The following XKR9 variants were observed in gnomAD, a reference collection of about 807,000 sequenced individuals.
The protein encoded by XKR9 is XK-related protein 9.
In XKR9, 32 loss-of-function variants were observed where a neutral mutation model predicts 32.0. The observed-to-expected ratio is 1.00, with a 90% CI of 0.76 to 1.34. The LOEUF (loss-of-function observed/expected upper bound fraction) is 1.34. XKR9 is among the 40% of genes most tolerant of loss of function. The pLI is 0.00. For synonymous variants in XKR9, 168 were observed against 143.4 expected (o/e 1.17, Z -1.22); for missense variants, 546 against 429.7 (o/e 1.27, Z -2.39).
the XKR9 span, among the ~76,000 whole-genome samples, chr8:70,997,106 T>C: frequency 6.6e-6 from 1 of 152,202 alleles, no homozygotes; most frequent in South Asian, 2.1e-4. Context: ...GAGACCAGCC[T>C]GGCCAACATG....
At chr8:70,943,040 T>A in the XKR9 span, among the ~76,000 whole-genome samples, 4 of 148,734 alleles carry the variant, frequency 2.7e-5, no homozygotes, top group South Asian at 2.1e-4. Flanking sequence ...AGCCTAAAAA[T>A]TTATGAAAAT....
intron 2 of XKR9, among the ~76,000 whole-genome samples, chr8:70,753,684 A>C (rs1586883924): frequency 6.6e-6 from 1 of 152,204 alleles, no homozygotes. Flanking sequence ...ATCTCAATAG[A>C]TGCAGAAAAG....
At chr8:70,818,207 T>G in the XKR9 span, among the ~76,000 whole-genome samples, 1 of 148,952 alleles carries the variant, frequency 6.7e-6, no homozygotes, top group Non-Finnish European at 1.5e-5. Context: ...TTTTTTTTTT[T>G]GGTGAGTTTC....
At chr8:70,768,796 C>T (rs994904794) in intron 2 of XKR9, among the ~76,000 whole-genome samples, 1 of 150,900 alleles carries the variant, frequency 6.6e-6, no homozygotes, top group East Asian at 1.9e-4. Context: ...AATATTCTTC[C>T]ATCCCTTTAT....
At chr8:70,756,247 A>T (rs1391191302) in intron 2 of XKR9, among the ~76,000 whole-genome samples, 1 of 152,178 alleles carries the variant, frequency 6.6e-6, no homozygotes, top group Non-Finnish European at 1.5e-5. Context: ...TTTTGTCAGT[A>T]CTACACTGTT....
chr8:70,805,778 G>A, the XKR9 span, among the ~76,000 whole-genome samples: 1 of 152,216 alleles, frequency 6.6e-6, no homozygotes, highest in East Asian at 1.9e-4. Flanking sequence ...CCTAGGGGAA[G>A]GAGTACCTGC....
chr8:70,793,521 A>G (rs1807791651), downstream of XKR9, among the ~76,000 whole-genome samples: 1 of 152,128 alleles, frequency 6.6e-6, no homozygotes, highest in Admixed American at 6.6e-5. Context: ...TACCTTCAGC[A>G]GATGTGGTCC....
chr8:70,757,139 T>C (rs192088827), intron 2 of XKR9, among the ~76,000 whole-genome samples: 108 of 152,352 alleles, frequency 7.1e-4, no homozygotes, highest in African/African-American at 2.5e-3. Context: ...ATATGACCTA[T>C]TACATTATTT....
chr8:70,712,645 G>A (rs1018068935), intron 4 of XKR9, among the ~76,000 whole-genome samples: 1 of 152,070 alleles, frequency 6.6e-6, no homozygotes, highest in South Asian at 2.1e-4. Flanking sequence ...AGAGAAAAAC[G>A]TCCTTGAGAA....
the XKR9 span, among the ~76,000 whole-genome samples, chr8:70,909,309 T>C: frequency 2.0e-5 from 3 of 152,280 alleles, no homozygotes; most frequent in South Asian, 2.1e-4. Context: ...TTCTTGTTTG[T>C]ATGTTTTGTC....
At chr8:70,819,828 A>G in the XKR9 span, among the ~76,000 whole-genome samples, 8 of 152,288 alleles carry the variant, frequency 5.3e-5, no homozygotes, top group African/African-American at 1.7e-4. Flanking sequence ...CAGACAGAAC[A>G]GGTGTGAGGC....
At chr8:71,052,173 G>A in the XKR9 span, among the ~76,000 whole-genome samples, 5 of 152,182 alleles carry the variant, frequency 3.3e-5, no homozygotes, top group South Asian at 1.0e-3. Context: ...AGAAAACAGA[G>A]ATTGCCCAAT....
downstream of XKR9, among the ~76,000 whole-genome samples, chr8:70,795,079 G>A (rs181193886): frequency 2.0e-5 from 3 of 151,900 alleles, no homozygotes; most frequent in African/African-American, 4.8e-5. Context: ...TGTCATACTG[G>A]TATTAAGCTT....
chr8:70,764,800 T>C (rs1362431982), intron 2 of XKR9, among the ~76,000 whole-genome samples: 1 of 152,136 alleles, frequency 6.6e-6, no homozygotes, highest in Non-Finnish European at 1.5e-5. Context: ...GTCCATGTGT[T>C]CTTGTTGTTC....
At chr8:70,876,148 G>A in the XKR9 span, among the ~76,000 whole-genome samples, 9 of 151,232 alleles carry the variant, frequency 6.0e-5, no homozygotes, top group Non-Finnish European at 1.3e-4. Flanking sequence ...CTATTTAAGA[G>A]TCTAATAAGT....
the XKR9 span, among the ~76,000 whole-genome samples, chr8:71,034,466 T>G: frequency 5.3e-5 from 8 of 152,244 alleles, no homozygotes; most frequent in Non-Finnish European, 1.0e-4. Context: ...TATGTCCCTA[T>G]AGCAGTGTGA....
At chr8:70,755,564 G>C (rs191816485) in intron 2 of XKR9, among the ~76,000 whole-genome samples, 1 of 152,052 alleles carries the variant, frequency 6.6e-6, no homozygotes, top group African/African-American at 2.4e-5. Flanking sequence ...ATACACCATG[G>C]AATACTATGC....
At chr8:70,789,233 T>G (rs1807731830) in intron 2 of XKR9, 1 of 152,066 alleles carries the variant, frequency 6.6e-6, no homozygotes, top group African/African-American at 2.4e-5. Flanking sequence ...AAGTGTAATT[T>G]TTAAAAATTT....
At chr8:71,058,420 A>C in the XKR9 span, among the ~76,000 whole-genome samples, 1 of 152,176 alleles carries the variant, frequency 6.6e-6, no homozygotes, top group Non-Finnish European at 1.5e-5. Flanking sequence ...GGACTAGAAG[A>C]TCATGGAGAT....
Sources: gnomAD v4.1 joint callset for allele counts (sites outside exome capture counted in the v4.1 genomes callset) on GRCh38, gnomAD v4.1.1 for gene constraint, MANE v1.5 for transcripts, NCBI Gene and HGNC (gene_info 2026-07-23, HGNC 2026-07-21) for gene names.